Variants in USH2A observed in about 807,000 individuals in gnomAD.
USH2A encodes the protein usherin.
A neutral mutation model predicts 538.9 loss-of-function variants in USH2A; 443 were observed. The observed-to-expected ratio is 0.82, with a 90% CI of 0.76 to 0.89. The LOEUF (loss-of-function observed/expected upper bound fraction) is 0.89, where lower values mean the gene tolerates loss of function less well. Among genes scored for constraint, USH2A ranks in the 40% least tolerant of loss-of-function variants. USH2A has a pLI of 0.00. For missense variants in USH2A, 6,633 were observed against 6,324.8 expected (o/e 1.05, Z -1.65); for synonymous variants, 2,413 against 2,273.5 (o/e 1.06, Z -1.75).
At chr1:215,893,636 TTAAAG>T (rs1441143358) in intron 40 of USH2A, among the ~76,000 whole-genome samples, 2 of 151,932 alleles carry the variant, frequency 1.3e-5, no homozygotes, top group East Asian at 1.9e-4. Context: ...CATTAATTTC[TTAAAG>T]TAAACATAAA....
intron 30 of USH2A, among the ~76,000 whole-genome samples, chr1:216,053,884 G>A (rs541441677): frequency 6.6e-6 from 1 of 152,296 alleles, no homozygotes; most frequent in Non-Finnish European, 1.5e-5. Flanking sequence ...CAAGCTGAAA[G>A]ATCAGGGGGC....
intron 47 of USH2A, among the ~76,000 whole-genome samples, chr1:215,823,654 C>G (rs773368319): frequency 2.6e-5 from 4 of 152,090 alleles, no homozygotes; most frequent in Admixed American, 1.3e-4. Context: ...TTACCTTCCT[C>G]TTGAACACCA....
At chr1:216,315,712 T>C (rs922118770) in intron 9 of USH2A, among the ~76,000 whole-genome samples, 3 of 152,180 alleles carry the variant, frequency 2.0e-5, no homozygotes, top group Admixed American at 1.3e-4. Flanking sequence ...TACAACTGTA[T>C]ATAAATCTAT....
At chr1:215,662,196 T>C (rs1657458890) in intron 64 of USH2A, among the ~76,000 whole-genome samples, 1 of 152,172 alleles carries the variant, frequency 6.6e-6, no homozygotes, top group South Asian at 2.1e-4. Context: ...TTAGGTGACT[T>C]TGGGAGCCTT....
intron 3 of USH2A, among the ~76,000 whole-genome samples, chr1:216,386,648 G>A (rs2039013639): frequency 6.6e-6 from 1 of 150,778 alleles, no homozygotes; most frequent in African/African-American, 2.4e-5. Context: ...AAGGTCAGGA[G>A]ATCGAGACCA....
chr1:216,089,830 T>C (rs1316095713), intron 22 of USH2A, among the ~76,000 whole-genome samples: 1 of 149,362 alleles, frequency 6.7e-6, no homozygotes, highest in African/African-American at 2.5e-5. Context: ...AAAAAAAAAC[T>C]GAGAAAGAGA....
At chr1:215,731,272 T>G (rs1011953241) in intron 60 of USH2A, among the ~76,000 whole-genome samples, 13 of 152,242 alleles carry the variant, frequency 8.5e-5, no homozygotes, top group African/African-American at 3.1e-4. Context: ...AAGTATTTCT[T>G]ATCGCTATTG....
intron 13 of USH2A, among the ~76,000 whole-genome samples, chr1:216,234,391 G>C (rs986854795): frequency 1.3e-5 from 2 of 152,092 alleles, no homozygotes; most frequent in Non-Finnish European, 2.9e-5. Flanking sequence ...GCCAGGTTAC[G>C]CTATTTGTTT....
In USH2A at chr1:215,696,405, T is replaced by A. The variant is rs576717754; in HGVS notation, c.12067-16029A>T. Among the ~76,000 whole-genome samples, 9 of 152,292 alleles carry A rather than the reference T, an allele frequency of 5.9e-5. No homozygotes were observed. The South Asian group carries it at 1.7e-3, about 28-fold the overall frequency. On this transcript the variant is annotated intron_variant, in intron 61 of 71. Coordinates refer to ENST00000307340, the MANE Select transcript of USH2A (RefSeq NM_206933.4). ...GGGTCAACTTTACAGGTTTGGGTTTTGAAACTGGAAAACTGTCAGAACTGA... is the reference window on the plus strand; with the variant it reads ...GGGTCAACTTTACAGGTTTGGGTTTAGAAACTGGAAAACTGTCAGAACTGA...
intron 4 of USH2A, among the ~76,000 whole-genome samples, chr1:216,330,166 G>A (rs548679993): frequency 1.3e-5 from 2 of 152,062 alleles, no homozygotes; most frequent in Non-Finnish European, 2.9e-5. Context: ...TCATTCACAA[G>A]TATTTATTGG....
intron 3 of USH2A, among the ~76,000 whole-genome samples, chr1:216,415,185 A>G (rs2039556246): frequency 6.6e-6 from 1 of 152,050 alleles, no homozygotes; most frequent in Non-Finnish European, 1.5e-5. Flanking sequence ...GCCATACTTT[A>G]ATGACTTGTG....
intron 55 of USH2A, among the ~76,000 whole-genome samples, chr1:215,770,447 AC>A (rs1366826077): frequency 6.6e-6 from 1 of 152,178 alleles, no homozygotes; most frequent in Non-Finnish European, 1.5e-5. Context: ...TAGTTCAAAC[AC>A]CAGCACAAAA....
rs769080265 is a variant in USH2A, at chr1:215,888,581, G to A, written c.8068C>T (p.Leu2690Phe). Residue 2690 changes from leucine to phenylalanine, a missense_variant, in exon 41 of 72, where the codon CTT becomes TTT. Coordinates refer to ENST00000307340, the MANE Select transcript of USH2A (RefSeq NM_206933.4). ...TATTCATATTTTGTCCATGGGCTAA[G>A]AGCAGAAGTCTTGTCAATAAACCTC... The part of the protein sequence containing the change: ...SMRFIDKTSA[L>F]SPWTKYEYRV... The A allele has an allele frequency of 3.7e-6, 6 of 1,614,054 alleles. No homozygotes were observed. The South Asian group carries it at 6.6e-5, about 18-fold the overall frequency.
At chr1:216,191,425 G>C (rs1010940077) in intron 19 of USH2A, among the ~76,000 whole-genome samples, 1 of 151,888 alleles carries the variant, frequency 6.6e-6, no homozygotes, top group African/African-American at 2.4e-5. Context: ...CTAAAAAGCA[G>C]TGAGATTGGA....
At position 215,624,262 on chromosome 1, in the gene USH2A, TTGTC is replaced by T; in HGVS notation, c.*1515_*1518del. The T allele has an allele frequency of 6.6e-6, 1 of 152,296 alleles. No homozygotes were observed. The highest frequency in any genetic ancestry group is 2.1e-4 in the South Asian group (1 of 4,822). The allele number at this position is 152,296 out of a possible 1,614,324, so 9.4% of individuals were successfully genotyped here. A position where few individuals can be genotyped will look rare whatever the true frequency, so the allele number is the denominator to read the frequency against. On this transcript the variant is annotated 3_prime_UTR_variant, in exon 72 of 72. Coordinates refer to ENST00000307340, the MANE Select transcript of USH2A (RefSeq NM_206933.4). Reference sequence around the variant, plus strand: ...TTTTGACACTTATGGTTGGCAAACTTTGTCTAGGAGTTGGTCAGTCTGAGGAGCT... The same window carrying T: ...TTTTGACACTTATGGTTGGCAAACTTTAGGAGTTGGTCAGTCTGAGGAGCT...
chr1:216,144,998 A>C (rs2102614298), intron 21 of USH2A, among the ~76,000 whole-genome samples: 1 of 152,278 alleles, frequency 6.6e-6, no homozygotes. Flanking sequence ...AGGCTAGGCA[A>C]GATTCCTGGA....
rs1183840001 is a variant in USH2A, at chr1:215,741,397, T to G, written c.11689A>C (p.Ile3897Leu). The G allele has an allele frequency of 6.2e-7, 1 of 1,614,124 alleles. No individual in the cohort carries two copies. Among genetic ancestry groups the G allele is most frequent in the Non-Finnish European group, 8.5e-7 (1 of 1,180,014 alleles). ...TACCTGTAAATAAAGTAGTTGATGA[T>G]GATTCCATTTGGTTTTTCAGGTGGC... is the stretch of plus-strand genomic sequence containing the variant. The part of the protein sequence containing the change: ...WMPPEKPNGI[I>L]INYFIYRRPA... Residue 3897 changes from isoleucine (I) to leucine (L), a missense_variant, in exon 60 of 72, where the codon ATC becomes CTC. Coordinates refer to ENST00000307340, the MANE Select transcript of USH2A (RefSeq NM_206933.4).
Position 215,786,753 on chromosome 1 carries a change from G to A in USH2A, c.10304C>T (p.Thr3435Ile). 1.9e-6 allele frequency: 3 copies of A among 1,613,968 alleles called. No homozygotes were observed. Among genetic ancestry groups the A allele is most frequent in the Non-Finnish European group, 2.5e-6 (3 of 1,179,942 alleles). The change falls in exon 52 of 72, where the codon ACA (threonine) becomes ATA (isoleucine). Residue 3435 changes from threonine (T) to isoleucine (I), a missense_variant. Physicochemically the swap from Thr to Ile is moderately conservative, Grantham distance 89. Coordinates refer to ENST00000307340, the MANE Select transcript of USH2A (RefSeq NM_206933.4). Reference protein sequence around the residue: ...CTVIRGSHNSTGKASIEEMCS... With the variant: ...CTVIRGSHNSIGKASIEEMCS... The stretch of plus-strand genomic sequence containing the variant: ...CATTTCTTCAATTGATGCCTTCCCT[G>A]TGGAATTGTGAGACCCTCTTATCAC...
intron 4 of USH2A, among the ~76,000 whole-genome samples, chr1:216,355,154 A>G (rs1043167658): frequency 6.6e-6 from 1 of 151,688 alleles, no homozygotes; most frequent in Non-Finnish European, 1.5e-5. Context: ...CTGAAAATAC[A>G]AAAATTGGCA....
Sources: gnomAD v4.1 joint callset for allele counts (sites outside exome capture counted in the v4.1 genomes callset) on GRCh38, gnomAD v4.1.1 for gene constraint, MANE v1.5 for transcripts, NCBI Gene and HGNC (gene_info 2026-07-23, HGNC 2026-07-21) for gene names.